RGS12: variants seen among roughly 807,000 people sequenced by gnomAD.
The protein encoded by RGS12 is regulator of G protein signaling 12.
A neutral mutation model predicts 120.1 loss-of-function variants in RGS12; 66 were observed. The ratio of observed to expected loss-of-function variants is 0.55; its 90% confidence interval spans 0.45 to 0.67. The LOEUF (loss-of-function observed/expected upper bound fraction) is 0.67. Among genes scored for constraint, RGS12 ranks in the 30% least tolerant of loss-of-function variants. RGS12 has a pLI of 0.00. For synonymous variants in RGS12, 827 were observed against 804.7 expected (o/e 1.03, Z -0.47); for missense variants, 1,859 against 1,957.7 (o/e 0.95, Z 0.95).
At chr4:3,367,464 G>A (rs974463669) in intron 3 of RGS12, among the ~76,000 whole-genome samples, 1 of 152,264 alleles carries the variant, frequency 6.6e-6, no homozygotes, top group South Asian at 2.1e-4. Context: ...GGGCTTCCCG[G>A]GCCCGGGGTC....
rs903506340 is a variant in RGS12, at chr4:3,365,378, G to A, written c.1999-21038G>A. 1.3e-5 allele frequency among the ~76,000 whole-genome samples: 2 copies of A among 152,154 alleles called. No homozygotes were observed. Among genetic ancestry groups the A allele is most frequent in the South Asian group, 2.1e-4 (1 of 4,812 alleles). On this transcript the variant is annotated intron_variant, in intron 3 of 17. Transcript: ENST00000336727. This position sits in a 1 kb window ranked among gnomAD's most constrained non-coding sequence, Gnocchi z 4.0. Reference sequence around the variant, plus strand: ...GAGGGAGGAGGGAGACAGGTGAGAGGAGGGAGGGAGGACAGGTCTTGAGGG... The same window carrying A: ...GAGGGAGGAGGGAGACAGGTGAGAGAAGGGAGGGAGGACAGGTCTTGAGGG...
At chr4:3,367,707 C>A (rs571281879) in intron 3 of RGS12, among the ~76,000 whole-genome samples, 2 of 152,370 alleles carry the variant, frequency 1.3e-5, no homozygotes, top group Non-Finnish European at 2.9e-5. Context: ...GGCCCTGCCC[C>A]ATCCCTTTCC....
intron 3 of RGS12, among the ~76,000 whole-genome samples, chr4:3,344,030 C>G (rs1032892970): frequency 1.3e-5 from 2 of 152,174 alleles, no homozygotes; most frequent in African/African-American, 2.4e-5. Flanking sequence ...GCCCTTACGG[C>G]ATTCTTGTAC....
intron 3 of RGS12, among the ~76,000 whole-genome samples, chr4:3,354,121 A>T (rs115722672): frequency 0.032 from 4,892 of 152,222 alleles, 241 homozygotes; most frequent in African/African-American, 0.11. Context: ...TTGCTGCCCT[A>T]GGCCTTGATT....
chr4:3,298,612 A>G (rs1289760490), intron 1 of RGS12, among the ~76,000 whole-genome samples: 1 of 151,964 alleles, frequency 6.6e-6, no homozygotes, highest in Admixed American at 6.5e-5. Context: ...TTGCTCCTTT[A>G]TGTTATATGA....
At chr4:3,427,114 G>A (rs1723740035) in intron 14 of RGS12, among the ~76,000 whole-genome samples, 1 of 152,292 alleles carries the variant, frequency 6.6e-6, no homozygotes, top group Admixed American at 6.5e-5. Context: ...CCTTCCCCGA[G>A]CCCACCCTTT....
At position 3,365,086 on chromosome 4, in the gene RGS12, G is replaced by A. The variant is rs562804841; in HGVS notation, c.1999-21330G>A. 6.6e-6 allele frequency among the ~76,000 whole-genome samples: 1 copy of A among 152,130 alleles called. No homozygotes were observed. Among genetic ancestry groups the A allele is most frequent in the Admixed American group, 6.5e-5 (1 of 15,284 alleles). ...AGGATGAGGTGACGGCGGTTTGCAGGTTCCCCGGGAGCTGTTGGAGCCAGG... is the reference window on the plus strand; with the variant it reads ...AGGATGAGGTGACGGCGGTTTGCAGATTCCCCGGGAGCTGTTGGAGCCAGG... On this transcript the variant is annotated intron_variant, in intron 3 of 17. Transcript: ENST00000336727. This position sits in a 1 kb window ranked among gnomAD's most constrained non-coding sequence, Gnocchi z 4.0.
rs1296847297 is a variant in RGS12, at chr4:3,365,753, C to T, written c.1999-20663C>T. ...TATTTTCAGAATTTAACTTAGAAAT[C>T]TTTGCTTGTCTTGGTCTTTCACACA... On this transcript the variant is annotated intron_variant, in intron 3 of 17. Transcript: ENST00000336727. This position sits in a 1 kb window ranked among gnomAD's most constrained non-coding sequence, Gnocchi z 4.0. 1.3e-5 allele frequency among the ~76,000 whole-genome samples: 2 copies of T among 152,160 alleles called. No individual in the cohort carries two copies. The highest frequency in any genetic ancestry group is 2.9e-5 in the Non-Finnish European group (2 of 68,026).
intron 17 of RGS12, 143 bp from the exon 18 acceptor site, chr4:3,439,312 C>T (rs570908915): frequency 4.5e-4 from 366 of 818,344 alleles, no homozygotes; most frequent in Non-Finnish European, 6.5e-4. Flanking sequence ...CACAGCGGGA[C>T]GCCAGCTGCC....
intron 7 of RGS12, among the ~76,000 whole-genome samples, 176 bp downstream of exon 7, chr4:3,416,297 A>G (rs1220209648): frequency 6.6e-6 from 1 of 152,220 alleles, no homozygotes; most frequent in Admixed American, 6.5e-5. Context: ...ACGCAGACAG[A>G]AAGTGGGGCT....
At chr4:3,300,747 T>G (rs537806204) in intron 1 of RGS12, among the ~76,000 whole-genome samples, 2 of 152,356 alleles carry the variant, frequency 1.3e-5, no homozygotes, top group African/African-American at 4.8e-5. Flanking sequence ...TTCTCTCACG[T>G]GGCTTTCTCT....
chr4:3,347,365 T>A (rs2749780), intron 3 of RGS12, among the ~76,000 whole-genome samples: 101,825 of 151,950 alleles, frequency 0.67, 35,177 homozygotes, highest in African/African-American at 0.83. Flanking sequence ...AATGGCGTGA[T>A]CCTGGGAGGC....
intron 3 of RGS12, among the ~76,000 whole-genome samples, chr4:3,360,511 T>C (rs1300402130): frequency 6.6e-6 from 1 of 152,200 alleles, no homozygotes; most frequent in Non-Finnish European, 1.5e-5. Context: ...TTTAAGGCTA[T>C]AAATTTCCCC....
At position 3,431,518 on chromosome 4, in the gene RGS12, G is replaced by T. The variant is rs563392178; in HGVS notation, c.4114+563G>T. On this transcript the variant is annotated intron_variant, in intron 17 of 17. Transcript: ENST00000336727. ...CGGGAGTGGAGGTGACGTCAGCAGC[G>T]CTCTCTGACCGCGGGTGTCACGGGC... 13 of 986,644 alleles carry T rather than the reference G, an allele frequency of 1.3e-5. No individual in the cohort carries two copies. The African/African-American group carries it at 2.3e-4, about 17-fold the overall frequency. The allele number at this position is 986,644 out of a possible 1,614,324, so 61.1% of individuals were successfully genotyped here. A position where few individuals can be genotyped will look rare whatever the true frequency, so the allele number is the denominator to read the frequency against.
At chr4:3,293,310 CGGGGCGGGGCG>C (rs1317027450) in intron 1 of RGS12, among the ~76,000 whole-genome samples, 4 of 142,368 alleles carry the variant, frequency 2.8e-5, no homozygotes, top group African/African-American at 1.0e-4. Flanking sequence ...CGGCGCGGGG[CGGGGCGGGGCG>C]GGGGCGGGGG....
chr4:3,384,277 C>A (rs887540819), intron 3 of RGS12, among the ~76,000 whole-genome samples: 1 of 152,158 alleles, frequency 6.6e-6, no homozygotes, highest in African/African-American at 2.4e-5. Context: ...GCCTCAGCCT[C>A]CCGAGTAGCT....
At chr4:3,369,578 G>A (rs1017136136) in intron 3 of RGS12, among the ~76,000 whole-genome samples, 1 of 152,216 alleles carries the variant, frequency 6.6e-6, no homozygotes, top group African/African-American at 2.4e-5. Flanking sequence ...ACTCTAGGTG[G>A]CCCATGCTGC....
chr4:3,415,107 C>CGTGTGAGAGGGCCGCGT (rs1722232841), intron 6 of RGS12, among the ~76,000 whole-genome samples: 1 of 78,796 alleles, frequency 1.3e-5, no homozygotes, highest in Non-Finnish European at 2.5e-5. Context: ...TGAGAGGTCG[C>CGTGTGAGAGGGCCGCGT]GTGTGAGAGG....
At chr4:3,287,100 G>A in the RGS12 span, among the ~76,000 whole-genome samples, 2 of 152,220 alleles carry the variant, frequency 1.3e-5, no homozygotes, top group Admixed American at 6.5e-5. Flanking sequence ...TCCGGGAAAA[G>A]GTGAGCTCTG....
Sources: gnomAD v4.1 joint callset for allele counts (sites outside exome capture counted in the v4.1 genomes callset) on GRCh38, gnomAD v4.1.1 for gene constraint, Gnocchi (gnomAD v3.1) non-coding constraint, MANE v1.5 for transcripts, NCBI Gene and HGNC (gene_info 2026-07-23, HGNC 2026-07-21) for gene names.